TUG1: variants seen among roughly 807,000 people sequenced by gnomAD.
The protein encoded by TUG1 is taurine upregulated gene 1.
At chr22:30,974,147 G>C (rs2041260654) in intron 2 of TUG1, 1 of 151,992 alleles carries the variant, frequency 6.6e-6, no homozygotes, top group South Asian at 2.1e-4. Flanking sequence ...TACACAAAAT[G>C]AGCCACCTGG....
rs182802691 is a variant in TUG1, at chr22:30,969,972, C to G, written c.*154C>G. 44 of 152,334 alleles carry G rather than the reference C, an allele frequency of 2.9e-4. 1 individual carries two copies. The highest frequency in any genetic ancestry group is 1.0e-3 in the African/African-American group (43 of 41,560). 9.4% of individuals were successfully genotyped at this position (152,334 alleles called of 1,614,324 possible). On this transcript the variant is annotated 3_prime_UTR_variant, in exon 1 of 3. Coordinates refer to ENST00000644773, the Ensembl canonical transcript of TUG1. Reference sequence around the variant, plus strand: ...GTCTGCGCCTCAGTTTCCTCCTCTGCCTATCAATGTGTGTGGGGTTGAAAT... The same window carrying G: ...GTCTGCGCCTCAGTTTCCTCCTCTGGCTATCAATGTGTGTGGGGTTGAAAT...
exon 3 of TUG1, chr22:30,978,860 G>A (rs187676052): frequency 1.3e-5 from 2 of 152,178 alleles, no homozygotes; most frequent in East Asian, 3.9e-4. Context: ...CTTTGAGTTG[G>A]GTTTCTGTTA....
exon 3 of TUG1, chr22:30,978,168 T>TA (rs1225009579): frequency 1.3e-5 from 2 of 152,226 alleles, no homozygotes; most frequent in Non-Finnish European, 2.9e-5. Flanking sequence ...CTAGTTGTCT[T>TA]ACTTCAGATC....
rs576285172 is a variant in TUG1 at position 30,970,796 on chromosome 22, A to G, written c.*978A>G. The G allele has an allele frequency of 5.9e-5, 9 of 152,342 alleles. No homozygotes were observed. The South Asian group carries it at 1.9e-3, about 32-fold the overall frequency. The allele number at this position is 152,342 out of a possible 1,614,324, so 9.4% of individuals were successfully genotyped here. ...AAGCGGGCTCACTGGAAGAGACTGA[A>G]CCTGGCATGGAATTCCTGAAGATGT... On this transcript the variant is annotated 3_prime_UTR_variant, in exon 1 of 3. Transcript: ENST00000644773.
intron 2 of TUG1, chr22:30,974,293 C>G (rs1191387552): frequency 6.7e-6 from 1 of 149,826 alleles, no homozygotes; most frequent in East Asian, 2.0e-4. Flanking sequence ...ATTAAAGGAT[C>G]TCAGGAGACT....
chr22:30,974,767 A>G (rs1602531965), intron 2 of TUG1: 1 of 152,328 alleles, frequency 6.6e-6, no homozygotes, highest in African/African-American at 2.4e-5. Flanking sequence ...CTAGAATTGT[A>G]TCATAACTTT....
exon 1 of TUG1, chr22:30,971,567 T>G (rs1353071626): frequency 6.5e-6 from 1 of 152,758 alleles, no homozygotes; most frequent in Non-Finnish European, 1.5e-5. Flanking sequence ...GACCTGGACC[T>G]GGAACCCGAA....
exon 3 of TUG1, chr22:30,976,619 A>G (rs1463889579): frequency 1.3e-5 from 2 of 152,208 alleles, no homozygotes; most frequent in Non-Finnish European, 2.9e-5. Context: ...TGTAACAGAC[A>G]TAAAGACAAC....
chr22:30,975,413 C>T (rs2041277164), exon 3 of TUG1: 2 of 152,256 alleles, frequency 1.3e-5, no homozygotes, highest in Non-Finnish European at 1.5e-5. Flanking sequence ...AAACCACTGC[C>T]CCAGACAGCA....
At chr22:30,977,011 T>C (rs1362511786) in exon 3 of TUG1, 1 of 152,194 alleles carries the variant, frequency 6.6e-6, no homozygotes. Context: ...TCAGCTCTTT[T>C]TTTCCTCTCT....
exon 3 of TUG1, chr22:30,979,333 ATATTT>A (rs987370475): frequency 3.3e-5 from 5 of 152,156 alleles, no homozygotes; most frequent in Admixed American, 1.3e-4. Flanking sequence ...TTCTGTATTA[ATATTT>A]TACACTACCC....
At chr22:30,972,333 G>C (rs752786516) in intron 1 of TUG1, 3 of 151,940 alleles carry the variant, frequency 2.0e-5, no homozygotes, top group Non-Finnish European at 2.9e-5. Context: ...TGAATGATGG[G>C]GTATTACATA....
exon 1 of TUG1, chr22:30,969,921 AC>A (rs982741601): frequency 6.6e-6 from 1 of 152,260 alleles, no homozygotes; most frequent in Admixed American, 6.5e-5. Flanking sequence ...TGGCGGAGTG[AC>A]CTTAGGCGAG....
At chr22:30,971,357 G>A (rs538569947) in exon 1 of TUG1, 19 of 152,518 alleles carry the variant, frequency 1.2e-4, no homozygotes, top group African/African-American at 4.3e-4. Context: ...AAAGACTTAA[G>A]ACTGTGGTGA....
At chr22:30,973,613 T>C (rs1303688391) in intron 2 of TUG1, 26 bp downstream of exon 2, 1 of 152,254 alleles carries the variant, frequency 6.6e-6, no homozygotes, top group Admixed American at 6.5e-5. Context: ...TAAATCCCTC[T>C]GTTTATAATG....
intron 1 of TUG1, 157 bp downstream of exon 1, chr22:30,971,936 C>T (rs1316529404): frequency 6.6e-6 from 1 of 152,212 alleles, no homozygotes; most frequent in African/African-American, 2.4e-5. Context: ...CCATGAGTCT[C>T]CTAACTAGCC....
chr22:30,975,125 T>C (rs1370900933), intron 2 of TUG1, 45 bp from the exon 3 acceptor site: 1 of 152,238 alleles, frequency 6.6e-6, no homozygotes, highest in African/African-American at 2.4e-5. Flanking sequence ...ACCACAGGCT[T>C]TGCTTACAGT....
intron 1 of TUG1, chr22:30,972,651 G>A (rs774707961): frequency 2.0e-5 from 3 of 152,716 alleles, no homozygotes; most frequent in Non-Finnish European, 1.5e-5. Flanking sequence ...CCCACAAATC[G>A]AGAGTGTTAA....
chr22:30,975,280 T>C (rs562687934), exon 3 of TUG1: 22 of 152,364 alleles, frequency 1.4e-4, no homozygotes, highest in Admixed American at 3.9e-4. Context: ...GAAGCTGCTC[T>C]GGATGAAGTA....
Sources: gnomAD v4.1 joint callset for allele counts on GRCh38, gnomAD v4.1.1 for gene constraint, MANE v1.5 for transcripts, NCBI Gene and HGNC (gene_info 2026-07-23, HGNC 2026-07-21) for gene names.